LEKR1: variants seen among roughly 807,000 people sequenced by gnomAD.
The protein encoded by LEKR1 is leucine, glutamate and lysine rich 1.
Under a neutral mutation model 72.4 loss-of-function variants are expected in LEKR1, and 59 were observed. The observed-to-expected ratio is 0.82, with a 90% CI of 0.66 to 1.01. LEKR1 has a LOEUF of 1.01. Among genes scored for constraint, LEKR1 ranks in the 50% least tolerant of loss-of-function variants. The pLI, the probability that LEKR1 is intolerant of heterozygous loss-of-function variation, is 0.00. For synonymous variants in LEKR1, 257 were observed against 263.2 expected, an observed-to-expected ratio of 0.98 and a Z score of 0.23; for missense variants, 728 against 759.2, an observed-to-expected ratio of 0.96 and a Z score of 0.48.
chr3:156,921,564 C>T (rs576347577), intron 4 of LEKR1, among the ~76,000 whole-genome samples: 1 of 152,242 alleles, frequency 6.6e-6, no homozygotes, highest in East Asian at 1.9e-4. Flanking sequence ...AAACAAGTGA[C>T]CATTTTTATC....
intron 9 of LEKR1, among the ~76,000 whole-genome samples, chr3:157,008,747 G>A (rs546104286): frequency 1.6e-4 from 24 of 152,242 alleles, no homozygotes; most frequent in African/African-American, 5.1e-4. Flanking sequence ...GTTAGATTTT[G>A]CATGTATTTT....
At chr3:156,977,915 C>T (rs906114785) in intron 6 of LEKR1, 1 of 159,628 alleles carries the variant, frequency 6.3e-6, no homozygotes, top group African/African-American at 2.4e-5. Flanking sequence ...TTTACATGTA[C>T]ATTTTAATTT....
chr3:156,854,563 A>C (rs1715814448), intron 3 of LEKR1, among the ~76,000 whole-genome samples: 2 of 147,076 alleles, frequency 1.4e-5, no homozygotes, highest in South Asian at 2.1e-4. Context: ...TTTTTGAGAC[A>C]GGGTCTTTCT....
Position 156,927,551 on chromosome 3 carries a change from T to C in LEKR1, c.506T>C (p.Leu169Ser). 1.6e-6 allele frequency: 2 copies of C among 1,240,492 alleles called. No individual in the cohort carries two copies. Among genetic ancestry groups the C allele is most frequent in the Non-Finnish European group, 2.1e-6 (2 of 969,594 alleles). The allele number at this position is 1,240,492 out of a possible 1,614,324, so 76.8% of individuals were successfully genotyped here. A position where few individuals can be genotyped will look rare whatever the true frequency, so the allele number is the denominator to read the frequency against. ...GATAATTACCAAAACTGGACTTCAT[T>C]GAAAGGAGCAGTTTTTCTACAAATT... ...VYDNYQNWTSLKGAVFLQIKS... is the reference protein window; with the variant it reads ...VYDNYQNWTSSKGAVFLQIKS... The change falls in exon 5 of 13, where the codon TTG (leucine) becomes TCG (serine). Residue 169 changes from leucine (L) to serine (S), a missense_variant. By Grantham distance (145) the Leu-to-Ser change is moderately radical (BLOSUM62 -2). Coordinates refer to ENST00000356539, the MANE Select transcript of LEKR1 (RefSeq NM_001004316.3).
At chr3:156,992,928 T>C (rs536967661) in intron 8 of LEKR1, 146 bp from the exon 9 acceptor site, 117 of 512,116 alleles carry the variant, frequency 2.3e-4, no homozygotes, top group Admixed American at 1.1e-3. Context: ...ATTAACATTA[T>C]AGAACCATTC....
intron 5 of LEKR1, among the ~76,000 whole-genome samples, chr3:156,940,473 T>C (rs1217364967): frequency 3.3e-5 from 5 of 152,156 alleles, no homozygotes; most frequent in African/African-American, 1.2e-4. Flanking sequence ...CCAGTATAGG[T>C]TGACCTTGTG....
chr3:156,951,227 C>T (rs60341344), intron 6 of LEKR1, among the ~76,000 whole-genome samples: 115 of 151,586 alleles, frequency 7.6e-4, no homozygotes, highest in African/African-American at 2.5e-3. Context: ...TTTATCACGA[C>T]GTGTTAGCTT....
chr3:156,858,236 T>C (rs1013534804), intron 3 of LEKR1, among the ~76,000 whole-genome samples: 1 of 152,042 alleles, frequency 6.6e-6, no homozygotes, highest in African/African-American at 2.4e-5. Context: ...TTGCGTTTGA[T>C]TGAGAAAGAG....
intron 12 of LEKR1, among the ~76,000 whole-genome samples, chr3:157,043,167 C>T (rs561609465): frequency 7.3e-4 from 111 of 152,276 alleles, no homozygotes; most frequent in African/African-American, 2.6e-3. Flanking sequence ...CTAAAAGCTT[C>T]CTGAGGCCTC....
At chr3:156,863,195 C>T (rs543817751) in intron 3 of LEKR1, among the ~76,000 whole-genome samples, 1 of 151,932 alleles carries the variant, frequency 6.6e-6, no homozygotes, top group Non-Finnish European at 1.5e-5. Flanking sequence ...GAAGTCTAAG[C>T]GAGATAATTC....
chr3:157,006,858 A>G (rs1732476998), intron 9 of LEKR1, among the ~76,000 whole-genome samples: 1 of 110,386 alleles, frequency 9.1e-6, no homozygotes, highest in South Asian at 5.2e-4. Context: ...ATCTATAGTG[A>G]CAGAAACCAA....
At chr3:156,960,356 G>C (rs571694769) in intron 6 of LEKR1, among the ~76,000 whole-genome samples, 1 of 152,150 alleles carries the variant, frequency 6.6e-6, no homozygotes, top group Non-Finnish European at 1.5e-5. Context: ...CGCGATCTCG[G>C]CTCACTGCAA....
At chr3:156,941,730 G>A (rs1726228385) in intron 5 of LEKR1, among the ~76,000 whole-genome samples, 1 of 151,998 alleles carries the variant, frequency 6.6e-6, no homozygotes. Context: ...AAATTTCATA[G>A]CATTTATTTT....
intron 4 of LEKR1, among the ~76,000 whole-genome samples, chr3:156,926,815 A>G (rs1724760256): frequency 1.3e-5 from 2 of 151,912 alleles, no homozygotes; most frequent in African/African-American, 2.4e-5. Context: ...TGACAAAATA[A>G]TTATACTCTC....
intron 3 of LEKR1, among the ~76,000 whole-genome samples, chr3:156,903,087 A>G (rs569656931): frequency 3.3e-5 from 5 of 152,054 alleles, no homozygotes; most frequent in Non-Finnish European, 5.9e-5. Context: ...AATGTTTTCT[A>G]TATTTAGATC....
At chr3:156,966,339 A>C (rs1015813357) in intron 6 of LEKR1, among the ~76,000 whole-genome samples, 23 of 151,774 alleles carry the variant, frequency 1.5e-4, no homozygotes, top group African/African-American at 5.6e-4. Context: ...GCATCGCCTC[A>C]CCCGGGAAGT....
chr3:157,009,370 T>C (rs1269993610), intron 9 of LEKR1, among the ~76,000 whole-genome samples: 2 of 152,168 alleles, frequency 1.3e-5, no homozygotes, highest in Non-Finnish European at 2.9e-5. Context: ...ACTGGCCACA[T>C]TTTAACTGCT....
chr3:156,959,166 C>G (rs192737559), intron 6 of LEKR1, among the ~76,000 whole-genome samples: 8 of 152,212 alleles, frequency 5.3e-5, no homozygotes, highest in African/African-American at 1.9e-4. Context: ...CCAGATAAAT[C>G]ATCAGGTTAA....
At position 156,973,945 on chromosome 3, in the gene LEKR1, G is replaced by A. The variant is rs188819447; in HGVS notation, c.746-5249G>A. Among the ~76,000 whole-genome samples, 4 of 152,288 alleles carry A rather than the reference G, an allele frequency of 2.6e-5. No individual in the cohort carries two copies. The East Asian group carries it at 7.7e-4, about 29-fold the overall frequency. On this transcript the variant is annotated intron_variant, in intron 6 of 12. Coordinates refer to ENST00000356539, the MANE Select transcript of LEKR1 (RefSeq NM_001004316.3). Reference sequence around the variant, plus strand: ...CAGTGAAGTAGGAATGTAAGCTAGTGCCTCCATTTTGGGAACCATTTGGCA... The same window carrying A: ...CAGTGAAGTAGGAATGTAAGCTAGTACCTCCATTTTGGGAACCATTTGGCA...
Sources: allele counts gnomAD v4.1 joint callset (sites outside exome capture counted in the v4.1 genomes callset), GRCh38; gene constraint gnomAD v4.1.1; transcripts MANE v1.5; gene names NCBI Gene and HGNC (gene_info 2026-07-23, HGNC 2026-07-21).